LEMD3: variants seen among roughly 807,000 people sequenced by gnomAD.
LEMD3 encodes inner nuclear membrane protein Man1.
A neutral mutation model predicts 95.2 loss-of-function variants in LEMD3; 33 were observed. The observed-to-expected ratio is 0.35, with a 90% confidence interval of 0.26 to 0.46. The LOEUF (loss-of-function observed/expected upper bound fraction) is 0.46, where lower values mean the gene tolerates loss of function less well. LEMD3 is among the 20% of genes least tolerant of loss of function. The pLI is 1.00. For synonymous variants in LEMD3, 525 were observed against 474.6 expected (o/e 1.11, Z -1.38); for missense variants, 1,210 against 1,192.8 (o/e 1.01, Z -0.21).
At chr12:65,234,284 G>T (rs540096870) in intron 4 of LEMD3, among the ~76,000 whole-genome samples, 1 of 152,252 alleles carries the variant, frequency 6.6e-6, no homozygotes, top group South Asian at 2.1e-4. Flanking sequence ...TTTACTCTCT[G>T]GCCCTTTACG....
At position 65,240,076 on chromosome 12, in the gene LEMD3, C is replaced by T. The variant is rs760635387; in HGVS notation, c.2023+46C>T. ...TCAACTATTTCTAGAAGAGTCATTG[C>T]ATGATTAAACTACATTATGTCAAGT... On this transcript the variant is annotated intron_variant, in intron 7 of 12. Transcript: ENST00000308330. 1.4e-5 allele frequency: 22 copies of T among 1,544,128 alleles called. No individual in the cohort carries two copies. The Admixed American group carries it at 3.7e-4, about 26-fold the overall frequency.
At chr12:65,188,690 CTT>C (rs992849333) in intron 1 of LEMD3, among the ~76,000 whole-genome samples, 1 of 152,154 alleles carries the variant, frequency 6.6e-6, no homozygotes, top group Non-Finnish European at 1.5e-5. Flanking sequence ...TTGACTAAAA[CTT>C]TGAGCATTGT....
At chr12:65,215,114 A>C (rs1329319794) in intron 2 of LEMD3, among the ~76,000 whole-genome samples, 2 of 152,202 alleles carry the variant, frequency 1.3e-5, no homozygotes, top group African/African-American at 4.8e-5. Flanking sequence ...AGTTAATACT[A>C]AACAACTTTT....
At chr12:65,172,652 A>G (rs187553555) in intron 1 of LEMD3, among the ~76,000 whole-genome samples, 100 of 152,272 alleles carry the variant, frequency 6.6e-4, no homozygotes, top group African/African-American at 2.0e-3. Flanking sequence ...GTTCACATAA[A>G]TTAAATGACA....
intron 1 of LEMD3, among the ~76,000 whole-genome samples, chr12:65,199,047 C>T (rs574254661): frequency 3.3e-5 from 5 of 152,146 alleles, no homozygotes; most frequent in East Asian, 3.9e-4. Flanking sequence ...CTTTGTGGGA[C>T]GGGTGAAGCA....
rs1870883403 is a variant in LEMD3 at position 65,239,990 on chromosome 12, G to A, written c.1983G>A (p.Glu661=). 1 of 1,612,102 alleles carries A rather than the reference G, an allele frequency of 6.2e-7. No homozygotes were observed. The highest frequency in any genetic ancestry group is 8.5e-7 in the Non-Finnish European group (1 of 1,178,380). The change falls in exon 7 of 13, where the codon GAG becomes GAA. Residue 661 remains glutamate, a synonymous_variant. Transcript: ENST00000308330. ...YMKYRWTKEE[E]ETRQMYDMVV... is the part of the protein sequence containing the mutation. ...AATATCGATGGACAAAAGAAGAGGA[G>A]GAAACAAGGCAGATGTATGATATGG...
At chr12:65,185,433 G>T (rs1869031432) in intron 1 of LEMD3, among the ~76,000 whole-genome samples, 1 of 151,998 alleles carries the variant, frequency 6.6e-6, no homozygotes, top group Admixed American at 6.6e-5. Context: ...AAGTTTGTCT[G>T]AAGACCTAAT....
intron 1 of LEMD3, among the ~76,000 whole-genome samples, chr12:65,174,384 A>G (rs1279147979): frequency 2.0e-5 from 3 of 152,192 alleles, no homozygotes; most frequent in Non-Finnish European, 2.9e-5. Flanking sequence ...CTTGTTCCAC[A>G]GGTGATTAGA....
intron 1 of LEMD3, among the ~76,000 whole-genome samples, chr12:65,198,917 A>C (rs1394192138): frequency 6.6e-6 from 1 of 152,102 alleles, no homozygotes; most frequent in Non-Finnish European, 1.5e-5. Context: ...GGCTATCACC[A>C]CTACCTTTCT....
At chr12:65,242,998 G>C (rs974435087) in intron 9 of LEMD3, among the ~76,000 whole-genome samples, 1 of 152,082 alleles carries the variant, frequency 6.6e-6, no homozygotes, top group African/African-American at 2.4e-5. Context: ...CTGTGTACAA[G>C]CAATCACCTC....
chr12:65,175,750 C>G (rs1239748741), intron 1 of LEMD3, among the ~76,000 whole-genome samples: 3 of 152,096 alleles, frequency 2.0e-5, no homozygotes, highest in Non-Finnish European at 4.4e-5. Context: ...GTATTTTTAC[C>G]TTGGATTTCT....
intron 1 of LEMD3, among the ~76,000 whole-genome samples, chr12:65,181,808 C>CA (rs1326198971): frequency 1.3e-5 from 2 of 151,372 alleles, no homozygotes. Flanking sequence ...ATGAATTTGC[C>CA]AAAAATGAAA....
chr12:65,202,348 C>A (rs573045596), intron 1 of LEMD3, among the ~76,000 whole-genome samples: 138 of 152,056 alleles, frequency 9.1e-4, no homozygotes, highest in African/African-American at 3.3e-3. Flanking sequence ...GATGCTTTTT[C>A]TGCATTTGTT....
At chr12:65,234,593 G>A (rs1181455244) in intron 4 of LEMD3, among the ~76,000 whole-genome samples, 1 of 152,040 alleles carries the variant, frequency 6.6e-6, no homozygotes, top group Non-Finnish European at 1.5e-5. Flanking sequence ...TTGAGAATGT[G>A]TACCCATAAA....
intron 1 of LEMD3, chr12:65,171,803 A>G (rs1868559138): frequency 6.5e-6 from 1 of 153,460 alleles, no homozygotes; most frequent in African/African-American, 2.4e-5. Flanking sequence ...GACTGTAGGC[A>G]GGTGTGTTCA....
intron 1 of LEMD3, among the ~76,000 whole-genome samples, chr12:65,179,856 C>T (rs1461663742): frequency 1.3e-5 from 2 of 152,128 alleles, no homozygotes; most frequent in African/African-American, 4.8e-5. Context: ...TAGCTTAATA[C>T]TAATTGTGGA....
chr12:65,211,087 T>C, intron 2 of LEMD3, 124 bp downstream of exon 2: 2 of 730,018 alleles, frequency 2.7e-6, no homozygotes, highest in Non-Finnish European at 4.7e-6. Context: ...ATAGGTTTTA[T>C]CAACTTAAAA....
intron 4 of LEMD3, among the ~76,000 whole-genome samples, chr12:65,234,313 C>T (rs1308547649): frequency 6.6e-6 from 1 of 152,172 alleles, no homozygotes; most frequent in African/African-American, 2.4e-5. Context: ...AAAAAGCTGA[C>T]CAACCCCTGC....
Position 65,200,678 on chromosome 12 carries a change from T to C in LEMD3, c.1523-10248T>C, listed in dbSNP as rs537120285. Among the ~76,000 whole-genome samples, 4 of 152,310 alleles carry C rather than the reference T, an allele frequency of 2.6e-5. No homozygotes were observed. In the South Asian group the frequency reaches 8.3e-4, roughly 32 times the overall value. ...TGGCCCATTTTTTAATAGGATTTGT[T>C]TTCTTGAATTTTTTTCATCTATTTT... On this transcript the variant is annotated intron_variant, in intron 1 of 12. Coordinates refer to ENST00000308330, the MANE Select transcript of LEMD3 (RefSeq NM_014319.5).
Sources: gnomAD v4.1 joint callset for allele counts (sites outside exome capture counted in the v4.1 genomes callset) on GRCh38, gnomAD v4.1.1 for gene constraint, MANE v1.5 for transcripts, NCBI Gene and HGNC (gene_info 2026-07-23, HGNC 2026-07-21) for gene names.